CREB3L2: variants seen among roughly 807,000 people sequenced by gnomAD.
CREB3L2 encodes cAMP responsive element binding protein 3 like 2.
A neutral mutation model predicts 57.2 loss-of-function variants in CREB3L2; 23 were observed. The ratio of observed to expected loss-of-function variants is 0.40; its 90% CI spans 0.29 to 0.57. CREB3L2 has a LOEUF of 0.57. Among genes scored for constraint, CREB3L2 ranks in the 20% least tolerant of loss-of-function variants. The probability of loss-of-function intolerance (pLI) is 0.42; values close to 1 mark genes in which losing one functional copy is unlikely to be tolerated. For synonymous variants in CREB3L2, 268 were observed against 265.1 expected (o/e 1.01, Z -0.11); for missense variants, 628 against 634.7 (o/e 0.99, Z 0.11).
chr7:137,882,411 C>T lies in CREB3L2; in HGVS notation c.1487+1G>A, dbSNP rs143590560. 21 of 1,610,142 alleles carry T rather than the reference C, an allele frequency of 1.3e-5. No individual in the cohort carries two copies. In the African/African-American group the frequency reaches 2.0e-4, roughly 15 times the overall value. On this transcript the variant is annotated splice_donor_variant, in intron 11 of 11. Transcript: ENST00000330387. LOFTEE classifies it high-confidence loss of function. The stretch of plus-strand genomic sequence containing the variant: ...GTTGGCTCTGTGTCTCTATGACTCA[C>T]AGGTGCTGCTGCAGCTCCAAAAGCA...
In CREB3L2 at chr7:137,876,837, C is replaced by G. The variant is rs1799166655; in HGVS notation, c.*3639G>C. The G allele has an allele frequency of 8.6e-6, 2 of 232,210 alleles. No individual in the cohort carries two copies. The highest frequency in any genetic ancestry group is 2.2e-5 in the African/African-American group (1 of 45,266). 14.4% of individuals were successfully genotyped at this position (232,210 alleles called of 1,614,324 possible). A position where few individuals can be genotyped will look rare whatever the true frequency, so the allele number is the denominator to read the frequency against. The stretch of plus-strand genomic sequence containing the variant: ...AGAGGAAGGGGAGGATGAAGGTCTT[C>G]TAGTGCATCTCTGCCCTCTCCGTGT... On this transcript the variant is annotated 3_prime_UTR_variant, in exon 12 of 12. Transcript: ENST00000330387.
chr7:137,981,029 C>T (rs144206777), intron 1 of CREB3L2, among the ~76,000 whole-genome samples: 3 of 152,274 alleles, frequency 2.0e-5, no homozygotes, highest in Admixed American at 6.5e-5. Context: ...CTGAGGACCC[C>T]GAGTCCTTGC....
At chr7:137,937,634 GTAGGCCCAT>G (rs1447675547) in intron 1 of CREB3L2, among the ~76,000 whole-genome samples, 3 of 152,192 alleles carry the variant, frequency 2.0e-5, no homozygotes, top group Non-Finnish European at 4.4e-5. Flanking sequence ...GTACAAAAAT[GTAGGCCCAT>G]TACATATTTC....
Position 137,928,353 on chromosome 7 carries a change from A to T in CREB3L2, c.116T>A (p.Leu39His). 2 of 1,613,812 alleles carry T rather than the reference A, an allele frequency of 1.2e-6. No individual in the cohort carries two copies. The highest frequency in any genetic ancestry group is 1.6e-4 in the Middle Eastern group (1 of 6,062). ...ALMYHTHFSE[L>H]LDEFSQNVLG... The stretch of plus-strand genomic sequence containing the variant: ...GACGTTCTGGGAAAACTCATCCAGA[A>T]GTTCTGAGAAGTGCTACAAGAAACA... The change falls in exon 2 of 12, where the codon CTT becomes CAT. Residue 39 changes from leucine (L) to histidine (H), a missense_variant. By Grantham distance (99) the Leu-to-His change is moderately conservative. Coordinates refer to ENST00000330387, the MANE Select transcript of CREB3L2 (RefSeq NM_194071.4).
intron 1 of CREB3L2, among the ~76,000 whole-genome samples, chr7:137,962,002 C>T (rs1392359232): frequency 1.3e-5 from 2 of 152,118 alleles, no homozygotes; most frequent in Non-Finnish European, 2.9e-5. Flanking sequence ...CACTTCCTCT[C>T]CTAGCATCCC....
rs906626660 is a variant in CREB3L2, at chr7:137,876,463, T to A, written c.*4013A>T. On this transcript the variant is annotated 3_prime_UTR_variant, in exon 12 of 12. Coordinates refer to ENST00000330387, the MANE Select transcript of CREB3L2 (RefSeq NM_194071.4). ...CTCAATCCCTTCTATTCCCCAATAT[T>A]CCCTAGGGCCTCAGGCAACACTCTT... The A allele has an allele frequency of 2.6e-5, 6 of 231,818 alleles. No homozygotes were observed. The highest frequency in any genetic ancestry group is 1.7e-4 in the Admixed American group (3 of 17,670). 14.4% of individuals were successfully genotyped at this position (231,818 alleles called of 1,614,324 possible).
chr7:137,965,453 T>G (rs371164606), intron 1 of CREB3L2, among the ~76,000 whole-genome samples: 2 of 152,330 alleles, frequency 1.3e-5, no homozygotes, highest in Admixed American at 6.5e-5. Context: ...GCCCCTTGAT[T>G]GTGAGGCTTT....
At chr7:137,927,562 T>C (rs1800502008) in intron 2 of CREB3L2, among the ~76,000 whole-genome samples, 1 of 152,112 alleles carries the variant, frequency 6.6e-6, no homozygotes, top group East Asian at 1.9e-4. Flanking sequence ...TTAAGGGCTG[T>C]AGAGTAATGG....
chr7:137,945,982 A>G (rs1800966018), intron 1 of CREB3L2, among the ~76,000 whole-genome samples: 1 of 152,206 alleles, frequency 6.6e-6, no homozygotes, highest in Non-Finnish European at 1.5e-5. Flanking sequence ...ACTTAAAATA[A>G]TATTTTTGAT....
intron 1 of CREB3L2, among the ~76,000 whole-genome samples, chr7:137,969,279 C>T (rs1200899926): frequency 6.6e-6 from 1 of 150,748 alleles, no homozygotes; most frequent in African/African-American, 2.4e-5. Flanking sequence ...GCAATTTGAA[C>T]ATGAATGCCT....
chr7:137,879,485 T>C lies in CREB3L2; in HGVS notation c.*991A>G, dbSNP rs1799238867. The C allele has an allele frequency of 5.6e-6, 2 of 359,336 alleles. No homozygotes were observed. Among genetic ancestry groups the C allele is most frequent in the Admixed American group, 4.3e-5 (1 of 23,050 alleles). The allele number at this position is 359,336 out of a possible 1,614,324, so 22.3% of individuals were successfully genotyped here. ...GGAGCCCGGGGCCTGAGTGAGGCAT[T>C]GTGTCATCTCTCGCTCTGAGCTCAT... On this transcript the variant is annotated 3_prime_UTR_variant, in exon 12 of 12. Transcript: ENST00000330387.
rs1408186150 is a variant in CREB3L2 at position 137,875,827 on chromosome 7, C to T, written c.*4649G>A. Reference sequence around the variant, plus strand: ...ACAGCACGCAACACCCTAGTAAATGCTCAAGAAATATTATTTCCCTTCCTT... The same window carrying T: ...ACAGCACGCAACACCCTAGTAAATGTTCAAGAAATATTATTTCCCTTCCTT... On this transcript the variant is annotated 3_prime_UTR_variant, in exon 12 of 12. Coordinates refer to ENST00000330387, the MANE Select transcript of CREB3L2 (RefSeq NM_194071.4). 1 of 224,480 alleles carries T rather than the reference C, an allele frequency of 4.5e-6. No individual in the cohort carries two copies. Among genetic ancestry groups the T allele is most frequent in the Non-Finnish European group, 8.9e-6 (1 of 112,518 alleles). 13.9% of individuals were successfully genotyped at this position (224,480 alleles called of 1,614,324 possible).
chr7:137,890,561 C>G (rs7459364), intron 8 of CREB3L2, among the ~76,000 whole-genome samples: 3 of 152,224 alleles, frequency 2.0e-5, no homozygotes, highest in Non-Finnish European at 4.4e-5. Flanking sequence ...GATGAATTCC[C>G]TTGACCACAT....
chr7:137,971,192 T>C (rs1177493016), intron 1 of CREB3L2, among the ~76,000 whole-genome samples: 1 of 152,044 alleles, frequency 6.6e-6, no homozygotes, highest in Non-Finnish European at 1.5e-5. Context: ...GGCTCACGCC[T>C]GTAATCCCAG....
chr7:137,999,751 G>T (rs1802046261), intron 1 of CREB3L2: 1 of 152,176 alleles, frequency 6.6e-6, no homozygotes, highest in Non-Finnish European at 1.5e-5. Context: ...TTGTTGCACT[G>T]ACTTGCAGCA....
At chr7:137,964,887 G>A (rs530033946) in intron 1 of CREB3L2, among the ~76,000 whole-genome samples, 1 of 152,170 alleles carries the variant, frequency 6.6e-6, no homozygotes, top group Admixed American at 6.5e-5. Flanking sequence ...AGATCTGATG[G>A]TTTTATAAGG....
At chr7:137,902,371 T>C (rs1253022019) in intron 7 of CREB3L2, among the ~76,000 whole-genome samples, 2 of 152,068 alleles carry the variant, frequency 1.3e-5, no homozygotes, top group Non-Finnish European at 2.9e-5. Context: ...GTAATCTGGA[T>C]ACTCCCAGCT....
chr7:137,965,964 AG>A (rs925482454), intron 1 of CREB3L2, among the ~76,000 whole-genome samples: 2 of 152,188 alleles, frequency 1.3e-5, no homozygotes, highest in Non-Finnish European at 2.9e-5. Flanking sequence ...CTAATTCAGT[AG>A]GTCTGCAGTG....
chr7:137,895,947 A>C, intron 8 of CREB3L2, among the ~76,000 whole-genome samples: 1 of 152,196 alleles, frequency 6.6e-6, no homozygotes, highest in Non-Finnish European at 1.5e-5. Flanking sequence ...TAATATGAGA[A>C]GCATCAACAG....
Sources: gnomAD v4.1 joint callset for allele counts (sites outside exome capture counted in the v4.1 genomes callset) on GRCh38, gnomAD v4.1.1 for gene constraint, MANE v1.5 for transcripts, NCBI Gene and HGNC (gene_info 2026-07-23, HGNC 2026-07-21) for gene names.